Variants in SPATA13 observed in about 807,000 individuals in gnomAD.
The protein encoded by SPATA13 is spermatogenesis associated 13, also known as spermatogenesis-associated protein 13.
Under a neutral mutation model 104.0 loss-of-function variants are expected in SPATA13, and 50 were observed. The observed-to-expected ratio is 0.48, with a 90% CI of 0.38 to 0.61. SPATA13 has a LOEUF of 0.61. SPATA13 is among the 20% of genes least tolerant of loss of function. The pLI, the probability that SPATA13 is intolerant of heterozygous loss-of-function variation, is 0.00. For missense variants in SPATA13, 1,524 were observed against 1,690.6 expected (o/e 0.90, Z 1.73); for synonymous variants, 606 against 667.5 (o/e 0.91, Z 1.42).
chr13:24,200,830 CA>C (rs1337421107), intron 1 of SPATA13, among the ~76,000 whole-genome samples: 1 of 151,418 alleles, frequency 6.6e-6, no homozygotes, highest in African/African-American at 2.4e-5. Flanking sequence ...TAAAACAAAC[CA>C]AAAAACCCCA....
At position 24,290,798 on chromosome 13, in the gene SPATA13, C is replaced by G; in HGVS notation, c.2994C>G (p.Asp998Glu). ...LLQQMIDIAI[D>E]GFLLTPVQKI... ...AGCAGATGATTGACATCGCCATCGACGGGTTCCTGCTCACACCAGTGCAGA... is the reference window on the plus strand; with the variant it reads ...AGCAGATGATTGACATCGCCATCGAGGGGTTCCTGCTCACACCAGTGCAGA... Residue 998 changes from aspartate (D) to glutamate (E), a missense_variant, in exon 9 of 13, where the codon GAC becomes GAG. Asp to Glu is a conservative substitution (Grantham distance 45). This residue lies in a region of SPATA13 where 435 missense variants were observed against 554.8 expected (regional missense o/e 0.78). Transcript: ENST00000382108. The G allele has an allele frequency of 6.2e-7, 1 of 1,614,206 alleles. No individual in the cohort carries two copies. Among genetic ancestry groups the G allele is most frequent in the Non-Finnish European group, 8.5e-7 (1 of 1,180,046 alleles).
Position 24,025,081 on chromosome 13 carries a change from G to T in SPATA13, c.-112+7380G>T, listed in dbSNP as rs920316765. ...TGCTTATTAAATCCATGGTTGCACAGTCCTGTCTTCTTTCTAGAGGTAGCC... is the reference window on the plus strand; with the variant it reads ...TGCTTATTAAATCCATGGTTGCACATTCCTGTCTTCTTTCTAGAGGTAGCC... On this transcript the variant is annotated intron_variant, in intron 3 of 14. Transcript: ENST00000424834. 5.9e-5 allele frequency among the ~76,000 whole-genome samples: 9 copies of T among 151,700 alleles called. No homozygotes were observed. In the East Asian group the frequency reaches 1.7e-3, roughly 29 times the overall value.
At chr13:24,087,323 T>A (rs973438566) in intron 3 of SPATA13, among the ~76,000 whole-genome samples, 1 of 152,182 alleles carries the variant, frequency 6.6e-6, no homozygotes, top group Admixed American at 6.5e-5. Context: ...GCAAAGCATT[T>A]CTGTCACAGC....
chr13:24,262,428 C>T (rs1874103520), intron 4 of SPATA13, among the ~76,000 whole-genome samples: 1 of 151,658 alleles, frequency 6.6e-6, no homozygotes, highest in Admixed American at 6.6e-5. Flanking sequence ...TTTCTTAGGA[C>T]TGTCAATAAA....
chr13:24,088,528 A>C lies in SPATA13; in HGVS notation c.-112+70827A>C, dbSNP rs865892414. Among the ~76,000 whole-genome samples the C allele has an allele frequency of 1.1e-3, 168 of 152,192 alleles. 1 individual carries two copies. Among genetic ancestry groups the C allele is most frequent in the African/African-American group, 3.7e-3 (155 of 41,512 alleles). On this transcript the variant is annotated intron_variant, in intron 3 of 14. Coordinates refer to the SPATA13 transcript ENST00000424834. This position sits in a 1 kb window ranked among gnomAD's most constrained non-coding sequence, Gnocchi z 4.3. ...GTGTTGATCGTTGGGTCCACAGCCCAAAGACTGGCAGAATCTCAATACTGT... is the reference window on the plus strand; with the variant it reads ...GTGTTGATCGTTGGGTCCACAGCCCCAAGACTGGCAGAATCTCAATACTGT...
intron 4 of SPATA13, among the ~76,000 whole-genome samples, chr13:24,269,485 C>T (rs912822334): frequency 2.6e-5 from 4 of 152,164 alleles, no homozygotes; most frequent in Non-Finnish European, 2.9e-5. Flanking sequence ...ACTGCAACCT[C>T]GAACTCCTGG....
intron 1 of SPATA13, among the ~76,000 whole-genome samples, chr13:24,181,016 A>G (rs1868767458): frequency 6.6e-6 from 1 of 152,244 alleles, no homozygotes; most frequent in Non-Finnish European, 1.5e-5. Context: ...TGAATACTGT[A>G]GGCAGCTGTA....
chr13:24,278,767 C>T (rs1484133189), intron 4 of SPATA13: 1 of 1,598,184 alleles, frequency 6.3e-7, no homozygotes, highest in Non-Finnish European at 8.5e-7. Context: ...AGGACTCATA[C>T]TCAAAAAAGA....
intron 2 of SPATA13, among the ~76,000 whole-genome samples, chr13:24,230,407 G>T (rs1186440458): frequency 6.6e-6 from 1 of 152,176 alleles, no homozygotes; most frequent in Non-Finnish European, 1.5e-5. Flanking sequence ...GAAGAACTCT[G>T]GCTGGAAAGT....
At chr13:24,079,135 C>A (rs2137775506) in intron 3 of SPATA13, among the ~76,000 whole-genome samples, 1 of 152,030 alleles carries the variant, frequency 6.6e-6, no homozygotes, top group African/African-American at 2.4e-5. Context: ...AGAGGGGGAG[C>A]AGTTCGGGGG....
intron 9 of SPATA13, among the ~76,000 whole-genome samples, chr13:24,293,433 C>T (rs9511181): frequency 0.31 from 46,602 of 151,904 alleles, 7,653 homozygotes; most frequent in East Asian, 0.52. Context: ...TAGTACATTC[C>T]GAGATGGGAA....
At chr13:23,987,702 T>C (rs2492086) in intron 2 of SPATA13, among the ~76,000 whole-genome samples, 53,706 of 152,018 alleles carry the variant, frequency 0.35, 9,861 homozygotes, top group Middle Eastern at 0.46. Context: ...ATTCACATTA[T>C]TGTGCAACCT....
chr13:24,217,893 C>G (rs1871346606), intron 1 of SPATA13, among the ~76,000 whole-genome samples: 1 of 152,182 alleles, frequency 6.6e-6, no homozygotes, highest in South Asian at 2.1e-4. Context: ...CAAGTCACCT[C>G]CCACCACCAC....
intron 9 of SPATA13, among the ~76,000 whole-genome samples, chr13:24,293,569 A>G (rs900190511): frequency 9.2e-5 from 14 of 152,238 alleles, no homozygotes; most frequent in Non-Finnish European, 4.4e-5. Context: ...CATGACAGAA[A>G]GTCCATTTCC....
At chr13:24,135,551 A>G (rs2137839981) in intron 3 of SPATA13, among the ~76,000 whole-genome samples, 1 of 152,152 alleles carries the variant, frequency 6.6e-6, no homozygotes, top group East Asian at 1.9e-4. Context: ...ACAAAAAATT[A>G]GCCGGGCATG....
At chr13:24,022,003 G>A (rs1254848972) in intron 3 of SPATA13, among the ~76,000 whole-genome samples, 2 of 150,998 alleles carry the variant, frequency 1.3e-5, no homozygotes, top group South Asian at 2.1e-4. Flanking sequence ...GAGCCACTGC[G>A]CCCGGCCAGT....
chr13:24,191,501 CTTTTTTTTTTTT>C (rs57437676), intron 1 of SPATA13, among the ~76,000 whole-genome samples: 4 of 67,422 alleles, frequency 5.9e-5, no homozygotes, highest in African/African-American at 1.5e-4. Context: ...ACATTGCTTT[CTTTTTTTTTTTT>C]TTTTTTTTTT....
rs775748442 is a variant in SPATA13, at chr13:24,297,744, C to T, written c.3583+9C>T. 8 of 1,601,902 alleles carry T rather than the reference C, an allele frequency of 5.0e-6. No homozygotes were observed. The African/African-American group carries it at 8.0e-5, about 16-fold the overall frequency. The stretch of plus-strand genomic sequence containing the variant: ...AGAGGACAAGGAGATGGGTGAGCAG[C>T]CCTTGGCTCTGCAGGCACCTGTGCC... On this transcript the variant is annotated intron_variant, in intron 11 of 12. Coordinates refer to ENST00000382108, the MANE Select transcript of SPATA13 (RefSeq NM_001166271.3).
At chr13:24,063,433 T>C (rs1254473777) in intron 3 of SPATA13, among the ~76,000 whole-genome samples, 1 of 152,200 alleles carries the variant, frequency 6.6e-6, no homozygotes, top group Non-Finnish European at 1.5e-5. Flanking sequence ...CAGTGCTTGA[T>C]CTGTGTAAGC....
Sources: allele counts gnomAD v4.1 joint callset (sites outside exome capture counted in the v4.1 genomes callset), GRCh38; gene constraint gnomAD v4.1.1; regional missense constraint gnomAD v4.1.1; non-coding constraint Gnocchi (gnomAD v3.1); transcripts MANE v1.5; gene names NCBI Gene and HGNC (gene_info 2026-07-23, HGNC 2026-07-21).